REPS2: variants seen among roughly 807,000 people sequenced by gnomAD.
REPS2 encodes the protein RALBP1 associated Eps domain containing 2.
A neutral mutation model predicts 53.6 loss-of-function variants in REPS2; 23 were observed. That is an observed-to-expected ratio of 0.43 (90% confidence interval 0.31 to 0.61). The LOEUF (loss-of-function observed/expected upper bound fraction) is 0.61. REPS2 is among the 20% of genes least tolerant of loss of function. The pLI, the probability that REPS2 is intolerant of heterozygous loss-of-function variation, is 0.11. For missense variants in REPS2, 446 were observed against 534.9 expected, an observed-to-expected ratio of 0.83 and a Z score of 1.64; for synonymous variants, 238 against 218.6, an observed-to-expected ratio of 1.09 and a Z score of -0.78.
chrX:17,012,380 A>AAACAACAATAACAAC (rs2061440053), intron 2 of REPS2, among the ~76,000 whole-genome samples: 1 of 101,904 alleles, frequency 9.8e-6, no homozygotes, highest in African/African-American at 3.7e-5. Context: ...TGCCATCTCA[A>AAACAACAATAACAAC]AACAACAACA....
At chrX:17,133,686 A>G (rs1332354049) in intron 14 of REPS2, 138 bp from the exon 15 acceptor site, 1 of 530,739 alleles carries the variant, frequency 1.9e-6, no homozygotes, top group Non-Finnish European at 3.4e-6. Flanking sequence ...CCCAAGGATC[A>G]GCAGACTTAA....
chrX:17,132,623 C>T (rs1340132085), intron 14 of REPS2, among the ~76,000 whole-genome samples: 3 of 112,759 alleles, frequency 2.7e-5, no homozygotes, highest in East Asian at 2.8e-4. Flanking sequence ...CTGCAGCCTC[C>T]GCCTCCCGGC....
At chrX:17,087,981 A>AT (rs2062563462) in intron 13 of REPS2, among the ~76,000 whole-genome samples, 1 of 98,358 alleles carries the variant, frequency 1.0e-5, no homozygotes, top group Non-Finnish European at 2.1e-5. Context: ...TAGATAGATA[A>AT]AGATACATAA....
chrX:17,104,383 GAA>G (rs2062846228), intron 14 of REPS2, among the ~76,000 whole-genome samples: 1 of 112,188 alleles, frequency 8.9e-6, no homozygotes, highest in South Asian at 3.7e-4. Context: ...TTGCAGAGCT[GAA>G]AATGAGAAGC....
At chrX:17,006,624 C>A (rs1434829764) in intron 2 of REPS2, among the ~76,000 whole-genome samples, 1 of 111,580 alleles carries the variant, frequency 9.0e-6, no homozygotes, top group Non-Finnish European at 1.9e-5. Flanking sequence ...AATTCTAGAG[C>A]CTGTGGCAAA....
At chrX:16,967,342 A>G (rs2060782842) in intron 1 of REPS2, among the ~76,000 whole-genome samples, 1 of 109,790 alleles carries the variant, frequency 9.1e-6, no homozygotes, top group African/African-American at 3.3e-5. Context: ...TCCCTTCTCT[A>G]TATTCTTCTG....
the REPS2 span, among the ~76,000 whole-genome samples, chrX:17,158,301 G>T: frequency 1.8e-5 from 2 of 111,182 alleles, no homozygotes; most frequent in Admixed American, 1.9e-4. Context: ...ATACATAGCC[G>T]CACATATATG....
At chrX:17,050,906 C>T (rs1044669918) in intron 6 of REPS2, among the ~76,000 whole-genome samples, 3 of 111,508 alleles carry the variant, frequency 2.7e-5, no homozygotes, top group Admixed American at 9.5e-5. Context: ...AAGTTATTGA[C>T]TATAGTCACC....
At chrX:17,016,767 T>C (rs867081091) in intron 2 of REPS2, among the ~76,000 whole-genome samples, 3,995 of 101,162 alleles carry the variant, frequency 0.039, 203 homozygotes, top group African/African-American at 0.14. Flanking sequence ...TTTCTTTTTT[T>C]TTTTTTTTTT....
intron 1 of REPS2, among the ~76,000 whole-genome samples, chrX:16,982,527 T>G (rs1375783521): frequency 8.9e-6 from 1 of 112,198 alleles, no homozygotes; most frequent in African/African-American, 3.2e-5. Flanking sequence ...AATCTTGATT[T>G]TATAGGCTGT....
chrX:16,969,235 T>G, intron 1 of REPS2, among the ~76,000 whole-genome samples: 1 of 108,640 alleles, frequency 9.2e-6, no homozygotes, highest in Non-Finnish European at 1.9e-5. Context: ...GCTCCTCACT[T>G]TCCAGACTGG....
At position 17,148,749 on chromosome X, in the gene REPS2, C is replaced by T; in HGVS notation, c.*1268C>T. 4.8e-6 allele frequency: 1 copy of T among 208,454 alleles called. No individual in the cohort carries two copies. The highest frequency in any genetic ancestry group is 9.1e-6 in the Non-Finnish European group (1 of 110,242). The allele number at this position is 208,454 out of a possible 1,213,427, so 17.2% of individuals were successfully genotyped here. A position where few individuals can be genotyped will look rare whatever the true frequency, so the allele number is the denominator to read the frequency against. Reference sequence around the variant, plus strand: ...AAAATGGGACCACAGGGGCACAGGGCTACTGACCCTCACAGGGCATGCCAG... The same window carrying T: ...AAAATGGGACCACAGGGGCACAGGGTTACTGACCCTCACAGGGCATGCCAG... On this transcript the variant is annotated 3_prime_UTR_variant, in exon 18 of 18. Coordinates refer to ENST00000357277, the MANE Select transcript of REPS2 (RefSeq NM_004726.3).
At chrX:16,984,661 G>A (rs1218394759) in intron 1 of REPS2, among the ~76,000 whole-genome samples, 1 of 112,266 alleles carries the variant, frequency 8.9e-6, no homozygotes, top group Non-Finnish European at 1.9e-5. Context: ...TAGAATGTGA[G>A]TGAAAATACA....
At chrX:16,952,002 T>G (rs1218107191) in intron 1 of REPS2, among the ~76,000 whole-genome samples, 1 of 112,162 alleles carries the variant, frequency 8.9e-6, no homozygotes, top group East Asian at 2.8e-4. Context: ...GTGCATATCT[T>G]TTTACATTTT....
chrX:17,143,341 C>G (rs943131866), intron 17 of REPS2, among the ~76,000 whole-genome samples: 3 of 111,694 alleles, frequency 2.7e-5, no homozygotes, highest in Non-Finnish European at 5.7e-5. Context: ...TTTTCTAAAA[C>G]TTTGTATGTG....
chrX:17,009,451 G>A (rs2061403168), intron 2 of REPS2, among the ~76,000 whole-genome samples: 1 of 109,592 alleles, frequency 9.1e-6, no homozygotes, highest in African/African-American at 3.3e-5. Flanking sequence ...TTTTGAGACA[G>A]GGCCTCACTC....
chrX:16,984,934 G>A (rs937416007), intron 1 of REPS2, among the ~76,000 whole-genome samples: 1 of 111,325 alleles, frequency 9.0e-6, no homozygotes, highest in Non-Finnish European at 1.9e-5. Context: ...AGTATAAGGT[G>A]AATGGTAGAT....
At position 16,977,731 on chromosome X, in the gene REPS2, A is replaced by C. The variant is rs1160533370; in HGVS notation, c.274-28490A>C. ...ACCCTGTCTCTAAAAAAAAAAAAAA[A>C]AAACAAACAAAAGATGTGATGATTG... On this transcript the variant is annotated intron_variant, in intron 1 of 17. Coordinates refer to ENST00000357277, the MANE Select transcript of REPS2 (RefSeq NM_004726.3). Among the ~76,000 whole-genome samples, 302 of 108,792 alleles carry C rather than the reference A, an allele frequency of 2.8e-3. 2 individuals carry two copies. Among genetic ancestry groups the C allele is most frequent in the Middle Eastern group, 4.6e-3 (1 of 216 alleles). 94.5% of individuals were successfully genotyped at this position (108,792 alleles called of 115,157 possible).
At chrX:17,119,618 A>G (rs2063111643) in intron 14 of REPS2, among the ~76,000 whole-genome samples, 2 of 111,844 alleles carry the variant, frequency 1.8e-5, no homozygotes, top group Middle Eastern at 4.7e-3. Flanking sequence ...CACAGCAGTC[A>G]TGCCCAACAC....
Sources: gnomAD v4.1 joint callset for allele counts (sites outside exome capture counted in the v4.1 genomes callset) on GRCh38, gnomAD v4.1.1 for gene constraint, MANE v1.5 for transcripts, NCBI Gene and HGNC (gene_info 2026-07-23, HGNC 2026-07-21) for gene names.